The following AUTS2 variants were observed in gnomAD, a reference collection of about 807,000 sequenced individuals.
AUTS2 encodes the protein autism susceptibility gene 2 protein.
A neutral mutation model predicts 112.4 loss-of-function variants in AUTS2; 17 were observed. The observed-to-expected ratio is 0.15, with a 90% confidence interval of 0.10 to 0.23. The LOEUF is 0.23. Among genes scored for constraint, AUTS2 ranks in the 10% least tolerant of loss-of-function variants. The pLI, the probability that AUTS2 is intolerant of heterozygous loss-of-function variation, is 1.00. For missense variants in AUTS2, 1,510 were observed against 1,701.6 expected, an observed-to-expected ratio of 0.89 and a Z score of 1.98; for synonymous variants, 751 against 702.7, an observed-to-expected ratio of 1.07 and a Z score of -1.09.
intron 2 of AUTS2, among the ~76,000 whole-genome samples, chr7:70,114,867 C>T (rs1172373621): frequency 6.6e-6 from 1 of 151,786 alleles, no homozygotes; most frequent in Admixed American, 6.6e-5. Context: ...TGCCTGAAAT[C>T]TTGTGGTTTA....
chr7:69,631,187 T>C (rs80097791), intron 1 of AUTS2, among the ~76,000 whole-genome samples: 33 of 152,182 alleles, frequency 2.2e-4, no homozygotes, highest in South Asian at 1.7e-3. Flanking sequence ...TTTTTTTTTT[T>C]GTTTTAAGCT....
At chr7:70,032,079 T>C (rs1312833667) in intron 2 of AUTS2, among the ~76,000 whole-genome samples, 1 of 152,144 alleles carries the variant, frequency 6.6e-6, no homozygotes, top group Non-Finnish European at 1.5e-5. Flanking sequence ...GTTCTTCTCA[T>C]AGTGGGTCAT....
intron 6 of AUTS2, among the ~76,000 whole-genome samples, chr7:70,733,529 T>C (rs12698930): frequency 0.58 from 81,570 of 140,234 alleles, 24,013 homozygotes; most frequent in East Asian, 0.93. Context: ...CCACCTGTAC[T>C]CTCACCACCC....
intron 1 of AUTS2, among the ~76,000 whole-genome samples, chr7:69,750,074 A>G (rs991740565): frequency 2.6e-5 from 4 of 152,142 alleles, no homozygotes; most frequent in Non-Finnish European, 5.9e-5. Context: ...CCCCATTTAC[A>G]TAGTCTTCAG....
chr7:70,045,291 C>G (rs1801449490), intron 2 of AUTS2, among the ~76,000 whole-genome samples: 1 of 152,096 alleles, frequency 6.6e-6, no homozygotes, highest in Non-Finnish European at 1.5e-5. Flanking sequence ...TAGACACTAG[C>G]CACATGCAAC....
At chr7:70,312,585 C>A (rs1203911857) in intron 4 of AUTS2, among the ~76,000 whole-genome samples, 1 of 152,148 alleles carries the variant, frequency 6.6e-6, no homozygotes. Context: ...TCCACCAACA[C>A]CCCTCACAAT....
At chr7:69,871,586 T>A (rs927389156) in intron 1 of AUTS2, among the ~76,000 whole-genome samples, 3 of 152,210 alleles carry the variant, frequency 2.0e-5, no homozygotes, top group Non-Finnish European at 4.4e-5. Context: ...CTAAAAGCTA[T>A]GTGAATGTGG....
intron 2 of AUTS2, among the ~76,000 whole-genome samples, chr7:69,963,039 C>T (rs1267126187): frequency 6.6e-6 from 1 of 152,036 alleles, no homozygotes; most frequent in East Asian, 1.9e-4. Flanking sequence ...TCTTTTTGTG[C>T]AGCTGAAGCA....
intron 5 of AUTS2, among the ~76,000 whole-genome samples, chr7:70,487,181 C>A (rs951198181): frequency 6.6e-6 from 1 of 152,046 alleles, no homozygotes; most frequent in African/African-American, 2.4e-5. Context: ...ACACATTTTG[C>A]CCTCCTTTTT....
At chr7:70,369,305 A>T (rs546173221) in intron 4 of AUTS2, among the ~76,000 whole-genome samples, 87 of 152,332 alleles carry the variant, frequency 5.7e-4, no homozygotes, top group Non-Finnish European at 1.0e-3. Context: ...AGAGAAGTTT[A>T]GGACTTTATT....
intron 5 of AUTS2, among the ~76,000 whole-genome samples, chr7:70,640,935 T>C (rs1320878269): frequency 6.6e-6 from 1 of 151,948 alleles, no homozygotes; most frequent in Non-Finnish European, 1.5e-5. Context: ...GCTTCTGATC[T>C]CCCCCGTTCC....
At chr7:70,040,605 A>G (rs970626574) in intron 2 of AUTS2, among the ~76,000 whole-genome samples, 6 of 152,306 alleles carry the variant, frequency 3.9e-5, no homozygotes, top group African/African-American at 1.4e-4. Flanking sequence ...GCTAAGATCT[A>G]ATTCCTTCTG....
intron 4 of AUTS2, among the ~76,000 whole-genome samples, chr7:70,243,157 T>G (rs1364396316): frequency 1.3e-5 from 2 of 152,016 alleles, no homozygotes; most frequent in Admixed American, 6.6e-5. Flanking sequence ...TGGCATCTTT[T>G]ACAAAATTAC....
At chr7:70,136,107 T>G (rs999163432) in intron 4 of AUTS2, among the ~76,000 whole-genome samples, 1 of 152,192 alleles carries the variant, frequency 6.6e-6, no homozygotes, top group Admixed American at 6.5e-5. Flanking sequence ...GTTATTTTTC[T>G]CTCTAGTTCC....
intron 1 of AUTS2, among the ~76,000 whole-genome samples, chr7:69,779,317 G>A (rs1014757208): frequency 1.3e-5 from 2 of 152,104 alleles, no homozygotes; most frequent in African/African-American, 4.8e-5. Context: ...TGAATGAATT[G>A]GAAAGGTTAT....
At chr7:70,696,403 C>G (rs80043934) in intron 5 of AUTS2, among the ~76,000 whole-genome samples, 1,892 of 152,246 alleles carry the variant, frequency 0.012, 33 homozygotes, top group African/African-American at 0.043. Context: ...TTCCCAGTTG[C>G]AAGAGGCATG....
intron 4 of AUTS2, among the ~76,000 whole-genome samples, chr7:70,356,024 T>A (rs1791994583): frequency 6.6e-6 from 1 of 152,208 alleles, no homozygotes; most frequent in Non-Finnish European, 1.5e-5. Flanking sequence ...GCTGAACAAG[T>A]ACCAGACACT....
chr7:70,207,867 C>T (rs553907988), intron 4 of AUTS2, among the ~76,000 whole-genome samples: 6 of 151,720 alleles, frequency 4.0e-5, no homozygotes, highest in Non-Finnish European at 7.4e-5. Flanking sequence ...AAAAATTAGC[C>T]GGGCATGGTG....
chr7:70,007,192 A>G (rs1460796332), intron 2 of AUTS2, among the ~76,000 whole-genome samples: 2 of 152,166 alleles, frequency 1.3e-5, no homozygotes, highest in Non-Finnish European at 2.9e-5. Context: ...TTTTGTTTTA[A>G]GTTTTATTAC....
Sources: allele counts gnomAD v4.1 joint callset (sites outside exome capture counted in the v4.1 genomes callset), GRCh38; gene constraint gnomAD v4.1.1; transcripts MANE v1.5; gene names NCBI Gene and HGNC (gene_info 2026-07-23, HGNC 2026-07-21).